RCAN1: variants seen among roughly 807,000 people sequenced by gnomAD.
RCAN1 encodes the protein regulator of calcineurin 1.
A neutral mutation model predicts 22.9 loss-of-function variants in RCAN1; 11 were observed. That is an observed-to-expected ratio of 0.48 (90% confidence interval 0.30 to 0.79). The LOEUF is 0.79. RCAN1 is among the 30% of genes least tolerant of loss of function. RCAN1 has a pLI of 0.06. For synonymous variants in RCAN1, 136 were observed against 142.3 expected, an observed-to-expected ratio of 0.96 and a Z score of 0.32; for missense variants, 291 against 337.8, an observed-to-expected ratio of 0.86 and a Z score of 1.09.
intron 1 of RCAN1, among the ~76,000 whole-genome samples, chr21:34,543,152 ACT>A (rs1431374313): frequency 4.6e-5 from 7 of 152,250 alleles, no homozygotes; most frequent in African/African-American, 1.7e-4. Context: ...TGGGCCTCAG[ACT>A]ATGAGCTGGG....
intron 1 of RCAN1, among the ~76,000 whole-genome samples, chr21:34,552,473 C>A (rs1986405377): frequency 6.6e-6 from 1 of 152,168 alleles, no homozygotes; most frequent in Admixed American, 6.5e-5. Flanking sequence ...TCCATAGGAA[C>A]CCTGCCAGGT....
chr21:34,530,244 A>G (rs562014339), intron 1 of RCAN1, among the ~76,000 whole-genome samples: 4 of 152,354 alleles, frequency 2.6e-5, no homozygotes, highest in Admixed American at 1.3e-4. Context: ...CTCACACCAT[A>G]AAAATCATAA....
chr21:34,554,178 G>A (rs1399547275), intron 1 of RCAN1, among the ~76,000 whole-genome samples: 2 of 152,150 alleles, frequency 1.3e-5, no homozygotes, highest in African/African-American at 2.4e-5. Flanking sequence ...TTCTTTCTTT[G>A]AGACAGAAAT....
chr21:34,583,793 A>C (rs545544759), intron 1 of RCAN1, among the ~76,000 whole-genome samples: 2 of 152,308 alleles, frequency 1.3e-5, no homozygotes, highest in South Asian at 4.1e-4. Flanking sequence ...AATTGCTATG[A>C]GTTGACAAAG....
Position 34,521,504 on chromosome 21 carries a change from C to A in RCAN1, c.581G>T (p.Gly194Val). ...YDLLYAISKL[G>V]PGEKYELHAA... The stretch of plus-strand genomic sequence containing the variant: ...CACCCGAGGGCCCTGCTCACCTGGC[C>A]CCAGCTTGGAGATGGCATATAAGAG... Residue 194 changes from glycine (G) to valine (V), a missense_variant, in exon 3 of 4, where the codon GGG becomes GTG. Gly to Val is a moderately radical substitution (Grantham distance 109). Coordinates refer to ENST00000313806, the MANE Select transcript of RCAN1 (RefSeq NM_004414.7). 6.2e-7 allele frequency: 1 copy of A among 1,614,198 alleles called. No homozygotes were observed. The highest frequency in any genetic ancestry group is 2.2e-5 in the East Asian group (1 of 44,882).
chr21:34,598,843 T>C (rs973093265), intron 1 of RCAN1, among the ~76,000 whole-genome samples: 1 of 152,014 alleles, frequency 6.6e-6, no homozygotes, highest in Non-Finnish European at 1.5e-5. Flanking sequence ...GCGCAAGATA[T>C]ACACAATCAG....
intron 1 of RCAN1, among the ~76,000 whole-genome samples, chr21:34,550,018 A>G (rs375162673): frequency 3.3e-5 from 5 of 152,244 alleles, no homozygotes; most frequent in East Asian, 1.9e-4. Context: ...TGGAGTATGG[A>G]AGAATGGAAG....
At chr21:34,577,698 C>T (rs1015007971) in intron 1 of RCAN1, among the ~76,000 whole-genome samples, 6 of 152,148 alleles carry the variant, frequency 3.9e-5, no homozygotes, top group Non-Finnish European at 8.8e-5. Flanking sequence ...GGAGCTGCTG[C>T]GTACTCCAGG....
At position 34,614,706 on chromosome 21, in the gene RCAN1, C is replaced by G. The variant is rs1988770855; in HGVS notation, c.252+54G>C. 4 of 1,335,608 alleles carry G rather than the reference C, an allele frequency of 3.0e-6. No homozygotes were observed. Among genetic ancestry groups the G allele is most frequent in the Non-Finnish European group, 3.8e-6 (4 of 1,039,932 alleles). The allele number at this position is 1,335,608 out of a possible 1,614,324, so 82.7% of individuals were successfully genotyped here. ...GGCGCTGCGACCCGCGCCGCCTCCT[C>G]GGGCAACAAGTGTCCGCCCTCCGCC... On this transcript the variant is annotated intron_variant, in intron 1 of 3. Coordinates refer to ENST00000313806, the MANE Select transcript of RCAN1 (RefSeq NM_004414.7). The surrounding 1 kb of genome is among the most constrained non-coding windows in gnomAD (Gnocchi z 6.0).
rs576205290 is a variant in RCAN1 at position 34,547,469 on chromosome 21, C to T, written c.253-23759G>A. 3.4e-4 allele frequency among the ~76,000 whole-genome samples: 52 copies of T among 152,324 alleles called. 1 individual carries two copies. The South Asian group carries it at 9.3e-3, about 27-fold the overall frequency. On this transcript the variant is annotated intron_variant, in intron 1 of 3. Coordinates refer to ENST00000313806, the MANE Select transcript of RCAN1 (RefSeq NM_004414.7). ...CCTCAATTAAGTACTTTGTCCAATG[C>T]TAATGGATTGAATTCTGTTCCCCTA...
intron 1 of RCAN1, among the ~76,000 whole-genome samples, chr21:34,553,885 A>C (rs1208769088): frequency 6.6e-6 from 1 of 152,228 alleles, no homozygotes; most frequent in East Asian, 1.9e-4. Flanking sequence ...AAAGGGGATA[A>C]GAAGCAGCAA....
intron 3 of RCAN1, chr21:34,521,272 G>C: frequency 6.9e-7 from 1 of 1,442,996 alleles, no homozygotes; most frequent in Non-Finnish European, 9.1e-7. Context: ...GGGGCGTGAT[G>C]CAGGGTCCCC....
At chr21:34,590,803 G>A (rs953478512) in intron 1 of RCAN1, among the ~76,000 whole-genome samples, 4 of 152,152 alleles carry the variant, frequency 2.6e-5, no homozygotes, top group Non-Finnish European at 4.4e-5. Flanking sequence ...TGAGAAGCGT[G>A]GAATCTCATG....
At chr21:34,543,425 G>A (rs1206087474) in intron 1 of RCAN1, among the ~76,000 whole-genome samples, 2 of 152,182 alleles carry the variant, frequency 1.3e-5, no homozygotes, top group East Asian at 1.9e-4. Flanking sequence ...TTTGGAACCT[G>A]GGAAAAGGCA....
chr21:34,586,038 T>C (rs1987782564), intron 1 of RCAN1, among the ~76,000 whole-genome samples: 1 of 152,142 alleles, frequency 6.6e-6, no homozygotes, highest in Admixed American at 6.5e-5. Flanking sequence ...CTCAAATCTA[T>C]ATGAAGGAAA....
chr21:34,526,588 A>C lies in RCAN1; in HGVS notation c.253-2878T>G. ...CCCACAAGAGAGCCACATTCTCCCAAGTATTCAGTTAATAGTCCCAGTTAG... is the reference window on the plus strand; with the variant it reads ...CCCACAAGAGAGCCACATTCTCCCACGTATTCAGTTAATAGTCCCAGTTAG... On this transcript the variant is annotated intron_variant, in intron 1 of 3. Coordinates refer to ENST00000313806, the MANE Select transcript of RCAN1 (RefSeq NM_004414.7). 7 of 1,424,782 alleles carry C rather than the reference A, an allele frequency of 4.9e-6. 1 individual carries two copies. In the South Asian group the frequency reaches 9.2e-5, roughly 19 times the overall value. The allele number at this position is 1,424,782 out of a possible 1,614,324, so 88.3% of individuals were successfully genotyped here. A position where few individuals can be genotyped will look rare whatever the true frequency, so the allele number is the denominator to read the frequency against.
In RCAN1 at chr21:34,521,587, G is replaced by A; in HGVS notation, c.498C>T (p.Ala166=). ...CTTGTTTCCATCCCACTGGCGGAGA[G>A]GCGGGAGGGGAGATCAGAAACTGCT... ...PDKQFLISPP[A]SPPVGWKQVE... Residue 166 remains alanine, a synonymous_variant, in exon 3 of 4, where the codon GCC becomes GCT. Transcript: ENST00000313806. The A allele has an allele frequency of 6.2e-7, 1 of 1,614,238 alleles. No individual in the cohort carries two copies. Among genetic ancestry groups the A allele is most frequent in the Non-Finnish European group, 8.5e-7 (1 of 1,180,040 alleles).
intron 1 of RCAN1, among the ~76,000 whole-genome samples, chr21:34,553,884 A>T (rs1235212766): frequency 6.6e-6 from 1 of 152,234 alleles, no homozygotes; most frequent in East Asian, 1.9e-4. Context: ...CAAAGGGGAT[A>T]AGAAGCAGCA....
At chr21:34,529,860 A>G (rs1233624505) in intron 1 of RCAN1, among the ~76,000 whole-genome samples, 1 of 152,164 alleles carries the variant, frequency 6.6e-6, no homozygotes, top group Non-Finnish European at 1.5e-5. Flanking sequence ...ATGGGGGGCC[A>G]GTCTTTCCTG....
Sources: gnomAD v4.1 joint callset for allele counts (sites outside exome capture counted in the v4.1 genomes callset) on GRCh38, gnomAD v4.1.1 for gene constraint, Gnocchi (gnomAD v3.1) non-coding constraint, MANE v1.5 for transcripts, NCBI Gene and HGNC (gene_info 2026-07-23, HGNC 2026-07-21) for gene names.